The following OLFM4 variants were observed in gnomAD, a reference collection of about 807,000 sequenced individuals.
The protein encoded by OLFM4 is olfactomedin 4, also known as olfactomedin-4.
In OLFM4, 22 loss-of-function variants were observed where a neutral mutation model predicts 25.5. The observed-to-expected ratio is 0.86, with a 90% confidence interval of 0.62 to 1.23. The LOEUF is 1.23. Among genes scored for constraint, OLFM4 ranks in the 50% most tolerant of loss-of-function variants. The pLI, the probability that OLFM4 is intolerant of heterozygous loss-of-function variation, is 0.00. For missense variants in OLFM4, 594 were observed against 619.4 expected, an observed-to-expected ratio of 0.96 and a Z score of 0.44; for synonymous variants, 255 against 237.7, an observed-to-expected ratio of 1.07 and a Z score of -0.67.
intron 2 of OLFM4, among the ~76,000 whole-genome samples, chr13:53,038,861 T>G (rs1044793937): frequency 1.3e-5 from 2 of 152,248 alleles, no homozygotes; most frequent in African/African-American, 4.8e-5. Flanking sequence ...GTTCACACTC[T>G]GAAGTCTTTC....
At chr13:53,043,078 A>AT in intron 3 of OLFM4, 27 bp from the exon 4 acceptor site, 1 of 1,554,254 alleles carries the variant, frequency 6.4e-7, no homozygotes, top group Non-Finnish European at 8.7e-7. Context: ...CATAATATAA[A>AT]GTCACTCTGA....
At chr13:53,041,887 T>A (rs199830528) in intron 2 of OLFM4, 23 bp from the exon 3 acceptor site, 58 of 1,590,672 alleles carry the variant, frequency 3.6e-5, no homozygotes, top group Non-Finnish European at 4.7e-5. Flanking sequence ...GGAATTGGCT[T>A]GAACCTTTTG....
At position 53,051,365 on chromosome 13, in the gene OLFM4, C is replaced by G. The variant is rs1954747595; in HGVS notation, c.*594C>G. 1.3e-5 allele frequency: 2 copies of G among 152,080 alleles called. No homozygotes were observed. Among genetic ancestry groups the G allele is most frequent in the Admixed American group, 6.6e-5 (1 of 15,254 alleles). The allele number at this position is 152,080 out of a possible 1,614,324, so 9.4% of individuals were successfully genotyped here. ...AAGTGCTGAGTTTTATGGAGAGAGG[C>G]CTTTTTATGCATTAAATTGTACATG... On this transcript the variant is annotated 3_prime_UTR_variant, in exon 5 of 5. Transcript: ENST00000219022.
chr13:53,049,379 A>G (rs1258763091), intron 4 of OLFM4, among the ~76,000 whole-genome samples: 9 of 152,168 alleles, frequency 5.9e-5, no homozygotes, highest in Non-Finnish European at 1.3e-4. Flanking sequence ...TCTTCTGAGA[A>G]TAGCTTAAAG....
chr13:53,043,210 T>A lies in OLFM4; in HGVS notation c.676T>A (p.Cys226Ser), dbSNP rs1954696996. Residue 226 changes from cysteine (C) to serine (S), a missense_variant, in exon 4 of 5, where the codon TGT becomes AGT. By Grantham distance (112) the Cys-to-Ser change is moderately radical. Transcript: ENST00000219022. The stretch of plus-strand genomic sequence containing the variant: ...GGCTCTGAAGACCAAGCTGAAAGAG[T>A]GTGAGGCCTCTAAAGATCAAAACAC... ...IVALKTKLKE[C>S]EASKDQNTPV... The A allele has an allele frequency of 1.2e-6, 2 of 1,611,900 alleles. No homozygotes were observed. The highest frequency in any genetic ancestry group is 1.7e-6 in the Non-Finnish European group (2 of 1,179,322).
intron 2 of OLFM4, among the ~76,000 whole-genome samples, chr13:53,040,510 C>T (rs1321602312): frequency 6.6e-6 from 1 of 152,184 alleles, no homozygotes; most frequent in Non-Finnish European, 1.5e-5. Flanking sequence ...CTCCCTTCTC[C>T]AGAAAATACT....
Position 53,028,916 on chromosome 13 carries a change from C to G in OLFM4, c.80C>G (p.Pro27Arg). 1 of 1,614,226 alleles carries G rather than the reference C, an allele frequency of 6.2e-7. No individual in the cohort carries two copies. Among genetic ancestry groups the G allele is most frequent in the Non-Finnish European group, 8.5e-7 (1 of 1,180,044 alleles). Residue 27 changes from proline to arginine, a missense_variant, in exon 1 of 5, where the codon CCT becomes CGT. Transcript: ENST00000219022. The stretch of plus-strand genomic sequence containing the variant: ...GCAGGGGATTTGGGGGATGTGGGAC[C>G]TCCAATTCCCAGCCCCGGCTTCAGC... ...QAAGDLGDVG[P>R]PIPSPGFSSF... is the part of the protein sequence containing the mutation.
intron 1 of OLFM4, among the ~76,000 whole-genome samples, chr13:53,033,297 T>A (rs545511033): frequency 1.2e-3 from 182 of 152,330 alleles, no homozygotes; most frequent in Non-Finnish European, 1.5e-3. Flanking sequence ...AAAAAAACTT[T>A]TATTAAAAAA....
chr13:53,050,108 GGC>G lies in OLFM4; in HGVS notation c.873_874del (p.Pro292IlefsTer12). On this transcript the variant is annotated frameshift_variant, in exon 5 of 5. Coordinates refer to ENST00000219022, the MANE Select transcript of OLFM4 (RefSeq NM_006418.5). LOFTEE classifies it low-confidence loss of function (END_TRUNC). ...ATCCAAACAAAGGACTGTATTGGGT[GGC>G]GCCATTGAATACAGATGGGAGACTG... is the stretch of plus-strand genomic sequence containing the variant. ...QHPNKGLYWVAPLNTDGRLLE... is the reference protein window; with the variant it reads ...QHPNKGLYWVXPLNTDGRLLE... 6.2e-7 allele frequency: 1 copy of G among 1,613,984 alleles called. No individual in the cohort carries two copies. Among genetic ancestry groups the G allele is most frequent in the Non-Finnish European group, 8.5e-7 (1 of 1,179,940 alleles).
At chr13:53,047,904 C>T (rs1954723633) in intron 4 of OLFM4, among the ~76,000 whole-genome samples, 2 of 152,090 alleles carry the variant, frequency 1.3e-5, no homozygotes, top group African/African-American at 4.8e-5. Context: ...TATTTTGTTG[C>T]TGTCGGTTTG....
At chr13:53,047,167 A>G (rs1431638707) in intron 4 of OLFM4, among the ~76,000 whole-genome samples, 2 of 152,228 alleles carry the variant, frequency 1.3e-5, no homozygotes, top group Admixed American at 1.3e-4. Flanking sequence ...CTGTTGCCCA[A>G]GTGTCAGGGT....
rs1954739062 is a variant in OLFM4 at position 53,050,212 on chromosome 13, A to G, written c.974A>G (p.Tyr325Cys). ...YINARELRIT[Y>C]GQGSGTAVYN... Reference sequence around the variant, plus strand: ...AATGCTCGAGAGTTGCGGATCACCTATGGCCAAGGTAGTGGTACAGCAGTT... The same window carrying G: ...AATGCTCGAGAGTTGCGGATCACCTGTGGCCAAGGTAGTGGTACAGCAGTT... Residue 325 changes from tyrosine to cysteine, a missense_variant, in exon 5 of 5, where the codon TAT becomes TGT. Physicochemically the swap from Tyr to Cys is radical, Grantham distance 194 (BLOSUM62 -2). Transcript: ENST00000219022. 6.2e-7 allele frequency: 1 copy of G among 1,614,048 alleles called. No individual in the cohort carries two copies. The highest frequency in any genetic ancestry group is 8.5e-7 in the Non-Finnish European group (1 of 1,179,956).
chr13:53,048,069 A>G (rs1169081012), intron 4 of OLFM4, among the ~76,000 whole-genome samples: 2 of 152,224 alleles, frequency 1.3e-5, no homozygotes, highest in Non-Finnish European at 2.9e-5. Context: ...AGTTTGTAGC[A>G]TATGGAAACT....
chr13:53,031,084 G>C (rs1954626765), intron 1 of OLFM4, among the ~76,000 whole-genome samples: 1 of 152,218 alleles, frequency 6.6e-6, no homozygotes, highest in South Asian at 2.1e-4. Context: ...AATGCCTATT[G>C]TCTGGTAAAA....
chr13:53,031,211 T>TA (rs929053127), intron 1 of OLFM4, among the ~76,000 whole-genome samples: 3 of 152,174 alleles, frequency 2.0e-5, no homozygotes, highest in Admixed American at 6.5e-5. Flanking sequence ...ACTTTTTTTT[T>TA]ATACTGGACT....
intron 1 of OLFM4, among the ~76,000 whole-genome samples, chr13:53,034,056 CAA>C (rs397851637): frequency 1.7e-4 from 7 of 41,038 alleles, no homozygotes; most frequent in Admixed American, 4.9e-4. Flanking sequence ...GACTCCGTCT[CAA>C]AAAAAAAAAA....
At chr13:53,037,803 G>A (rs960525983) in intron 2 of OLFM4, among the ~76,000 whole-genome samples, 5 of 152,128 alleles carry the variant, frequency 3.3e-5, no homozygotes, top group African/African-American at 7.2e-5. Context: ...CAAAGTAAAC[G>A]TACTTATTTC....
chr13:53,042,107 C>T lies in OLFM4; in HGVS notation c.555C>T (p.Asp185=), dbSNP rs745936725. 1.2e-6 allele frequency: 2 copies of T among 1,613,616 alleles called. No homozygotes were observed. The highest frequency in any genetic ancestry group is 1.1e-5 in the South Asian group (1 of 91,048). The change falls in exon 3 of 5, where the codon GAC becomes GAT. Residue 185 remains aspartate, a synonymous_variant. Coordinates refer to ENST00000219022, the MANE Select transcript of OLFM4 (RefSeq NM_006418.5). ...ESFGGSSEIV[D]QLEVEIRNMT... ...TTGGTGGAAGCTCAGAAATTGTTGA[C>T]CAGCTGGAGGTGGAGGTAAGGAGTG...
chr13:53,034,483 GAGAA>G lies in OLFM4; in HGVS notation c.345_348del (p.Lys115AsnfsTer5), dbSNP rs1954647373. ...AGCTCATGTTCTTTCTCAGAAGTTT[GAGAA>G]AGAACTTTCCAAAGTAAGCATTTTC... is the stretch of plus-strand genomic sequence containing the variant. On this transcript the variant is annotated frameshift_variant, in exon 2 of 5. Transcript: ENST00000219022. LOFTEE classifies it high-confidence loss of function. The G allele has an allele frequency of 6.2e-7, 1 of 1,611,334 alleles. No individual in the cohort carries two copies. Among genetic ancestry groups the G allele is most frequent in the Non-Finnish European group, 8.5e-7 (1 of 1,179,346 alleles).
Sources: gnomAD v4.1 joint callset for allele counts (sites outside exome capture counted in the v4.1 genomes callset) on GRCh38, gnomAD v4.1.1 for gene constraint, MANE v1.5 for transcripts, NCBI Gene and HGNC (gene_info 2026-07-23, HGNC 2026-07-21) for gene names.